Variants in UGT1A10 observed in about 807,000 individuals in gnomAD.
UGT1A10 encodes UDP glucuronosyltransferase family 1 member A10, also known as UDP-glucuronosyltransferase 1A10.
UGT1A10 carries 49 observed loss-of-function variants against 45.8 expected under a neutral mutation model. The observed-to-expected ratio is 1.07, with a 90% CI of 0.85 to 1.36. UGT1A10 has a LOEUF of 1.36. Ranked by LOEUF, UGT1A10 falls within the 40% of genes most tolerant of loss-of-function variation. The pLI, the probability that UGT1A10 is intolerant of heterozygous loss-of-function variation, is 0.00. For missense variants in UGT1A10, 745 were observed against 668.6 expected (o/e 1.11, Z -1.26); for synonymous variants, 284 against 249.7 (o/e 1.14, Z -1.29).
At chr2:233,688,190 C>T (rs10168155) in intron 1 of UGT1A10, among the ~76,000 whole-genome samples, 59,819 of 152,018 alleles carry the variant, frequency 0.39, 11,958 homozygotes, top group South Asian at 0.45. Context: ...CCTTTATGAC[C>T]GGCTTCTTTC....
rs553866736 is a variant in UGT1A10 at position 233,748,743 on chromosome 2, G to A, written c.856-18291G>A. 1.8e-4 allele frequency among the ~76,000 whole-genome samples: 28 copies of A among 151,644 alleles called. No individual in the cohort carries two copies. The South Asian group carries it at 2.7e-3, about 15-fold the overall frequency. The stretch of plus-strand genomic sequence containing the variant: ...ATGATGTGGGGACATCTCAGAGTTC[G>A]GAAGGCATAGTTTTGGTTGCAGGTC... On this transcript the variant is annotated intron_variant, in intron 1 of 4. Transcript: ENST00000344644.
At chr2:233,754,607 T>G (rs1695531840) in intron 1 of UGT1A10, 1 of 435,160 alleles carries the variant, frequency 2.3e-6, no homozygotes, top group Admixed American at 2.6e-5. Flanking sequence ...AACTCAACTC[T>G]CCATCTTCCT....
Position 233,759,652 on chromosome 2 carries a change from C to T in UGT1A10, c.856-7382C>T, listed in dbSNP as rs35665780. Among the ~76,000 whole-genome samples the T allele has an allele frequency of 2.9e-3, 358 of 121,974 alleles. 3 individuals are homozygous for T. Among genetic ancestry groups the T allele is most frequent in the Middle Eastern group, 0.024 (3 of 124 alleles). The allele number at this position is 121,974 out of a possible 152,430, so 80.0% of individuals were successfully genotyped here. A position where few individuals can be genotyped will look rare whatever the true frequency, so the allele number is the denominator to read the frequency against. On this transcript the variant is annotated intron_variant, in intron 1 of 4. Coordinates refer to ENST00000344644, the MANE Select transcript of UGT1A10 (RefSeq NM_019075.4). The stretch of plus-strand genomic sequence containing the variant: ...TCCTTCTTAGCATGCTTCACGATTT[C>T]TAAGTTCCTGCTCATGTGTTTAAAT...
chr2:233,654,960 G>A (rs1324359877), intron 1 of UGT1A10, among the ~76,000 whole-genome samples: 4 of 152,028 alleles, frequency 2.6e-5, no homozygotes, highest in Non-Finnish European at 5.9e-5. Context: ...AGTGTATGGC[G>A]GGCATCTGTA....
At chr2:233,646,317 G>A (rs1226338722) in intron 1 of UGT1A10, among the ~76,000 whole-genome samples, 1 of 152,220 alleles carries the variant, frequency 6.6e-6, no homozygotes, top group Non-Finnish European at 1.5e-5. Context: ...ATGCCCTGGA[G>A]ACATTTTCCC....
chr2:233,720,704 C>CT (rs796417980), intron 1 of UGT1A10, among the ~76,000 whole-genome samples: 446 of 139,112 alleles, frequency 3.2e-3, no homozygotes, highest in South Asian at 5.2e-3. Context: ...GGGAGCCATC[C>CT]TTTTTTTTTT....
chr2:233,760,489 A>G (rs756552149), intron 1 of UGT1A10: 1 of 1,614,150 alleles, frequency 6.2e-7, no homozygotes, highest in Non-Finnish European at 8.5e-7. Context: ...CTCGTTGTAC[A>G]TCAGAGACGG....
At chr2:233,740,062 C>A (rs6740653) in intron 1 of UGT1A10, among the ~76,000 whole-genome samples, 5,128 of 151,886 alleles carry the variant, frequency 0.034, 157 homozygotes, top group African/African-American at 0.051. Context: ...TACTCACAAG[C>A]TTTTCCTCTC....
At chr2:233,646,284 G>A (rs2125470131) in intron 1 of UGT1A10, among the ~76,000 whole-genome samples, 1 of 152,040 alleles carries the variant, frequency 6.6e-6, no homozygotes, top group East Asian at 1.9e-4. Flanking sequence ...GTGATGGGAG[G>A]GACTGCTGTG....
At chr2:233,762,213 C>T (rs889171473) in intron 1 of UGT1A10, among the ~76,000 whole-genome samples, 1 of 152,104 alleles carries the variant, frequency 6.6e-6, no homozygotes, top group Non-Finnish European at 1.5e-5. Flanking sequence ...ATTTGGCGCC[C>T]CATAAATCTC....
intron 1 of UGT1A10, among the ~76,000 whole-genome samples, chr2:233,650,768 A>T (rs28969992): frequency 0.011 from 1,731 of 152,268 alleles, 43 homozygotes; most frequent in African/African-American, 0.039. Flanking sequence ...AGTGCCTCAA[A>T]CTAGATCCTA....
intron 1 of UGT1A10, among the ~76,000 whole-genome samples, chr2:233,654,339 C>T (rs1321364959): frequency 1.3e-5 from 2 of 152,174 alleles, no homozygotes; most frequent in African/African-American, 4.8e-5. Flanking sequence ...ATTCAACCTT[C>T]AGGATTATGT....
chr2:233,755,178 T>A, intron 1 of UGT1A10: 1 of 1,236,812 alleles, frequency 8.1e-7, no homozygotes, highest in Non-Finnish European at 1.1e-6. Flanking sequence ...TTTGTCGGGG[T>A]GCCACTTGAG....
chr2:233,741,622 A>G (rs1467622913), intron 1 of UGT1A10: 1 of 151,894 alleles, frequency 6.6e-6, no homozygotes, highest in Non-Finnish European at 1.5e-5. Context: ...GTCAGACCCC[A>G]TGAGCCCCTG....
At chr2:233,770,192 A>G (rs1288564889) in intron 4 of UGT1A10, 1 of 152,232 alleles carries the variant, frequency 6.6e-6, no homozygotes, top group African/African-American at 2.4e-5. Context: ...ACTAACTTTC[A>G]TCTATTCATT....
intron 1 of UGT1A10, among the ~76,000 whole-genome samples, chr2:233,714,561 T>C (rs938203514): frequency 6.6e-6 from 1 of 152,256 alleles, no homozygotes; most frequent in African/African-American, 2.4e-5. Flanking sequence ...AGAAATATCA[T>C]GTAAACCACA....
At chr2:233,771,873 A>C (rs912640618) in intron 4 of UGT1A10, among the ~76,000 whole-genome samples, 1 of 150,972 alleles carries the variant, frequency 6.6e-6, no homozygotes, top group African/African-American at 2.4e-5. Context: ...ACATTTATTA[A>C]GAATAAGTTT....
chr2:233,682,066 G>A (rs778934724), intron 1 of UGT1A10: 5 of 1,613,972 alleles, frequency 3.1e-6, no homozygotes, highest in African/African-American at 1.3e-5. Flanking sequence ...CCATGCAGTC[G>A]GTGGTGGAGA....
At chr2:233,697,703 A>G (rs1225043788) in intron 1 of UGT1A10, among the ~76,000 whole-genome samples, 2 of 151,894 alleles carry the variant, frequency 1.3e-5, no homozygotes, top group South Asian at 2.1e-4. Context: ...GGATGTAGGC[A>G]TTTATTGTTA....
Sources: gnomAD v4.1 joint callset for allele counts (sites outside exome capture counted in the v4.1 genomes callset) on GRCh38, gnomAD v4.1.1 for gene constraint, MANE v1.5 for transcripts, NCBI Gene and HGNC (gene_info 2026-07-23, HGNC 2026-07-21) for gene names.